SLC47A1: variants seen among roughly 807,000 people sequenced by gnomAD.
SLC47A1 encodes solute carrier family 47 member 1.
A neutral mutation model predicts 65.8 loss-of-function variants in SLC47A1; 58 were observed. The ratio of observed to expected loss-of-function variants is 0.88; its 90% CI spans 0.71 to 1.10. The LOEUF (loss-of-function observed/expected upper bound fraction) is 1.10, where lower values mean the gene tolerates loss of function less well. Ranked by LOEUF, SLC47A1 falls within the 50% of genes least tolerant of loss-of-function variation. The pLI is 0.00. For missense variants in SLC47A1, 706 were observed against 719.2 expected (o/e 0.98, Z 0.21); for synonymous variants, 285 against 295.0 (o/e 0.97, Z 0.35).
chr17:19,567,367 G>C, intron 14 of SLC47A1, 139 bp downstream of exon 14: 1 of 1,299,384 alleles, frequency 7.7e-7, no homozygotes, highest in South Asian at 1.4e-5. Context: ...TTGTCAGAGA[G>C]TGTAGGGGGC....
intron 15 of SLC47A1, 59 bp downstream of exon 15, chr17:19,571,631 C>T: frequency 2.3e-6 from 3 of 1,278,926 alleles, no homozygotes; most frequent in Non-Finnish European, 3.3e-6. Context: ...AGGATCTGAT[C>T]TGGCTCTCCC....
chr17:19,534,261 C>T, intron 1 of SLC47A1, 187 bp downstream of exon 1: 1 of 677,832 alleles, frequency 1.5e-6, no homozygotes, highest in Non-Finnish European at 2.2e-6. Context: ...GGCCGCTTTC[C>T]GCTCCGCACC....
chr17:19,555,763 G>A (rs754347177), intron 8 of SLC47A1, 33 bp from the exon 9 acceptor site: 1 of 1,613,342 alleles, frequency 6.2e-7, no homozygotes, highest in South Asian at 1.1e-5. Context: ...CCGATGGCCA[G>A]ATCTCCTGGA....
intron 2 of SLC47A1, among the ~76,000 whole-genome samples, chr17:19,545,481 T>A (rs1047016191): frequency 3.4e-5 from 5 of 146,936 alleles, no homozygotes; most frequent in Non-Finnish European, 7.5e-5. Context: ...CGTGAGCCAC[T>A]ATGCTCGGCC....
At chr17:19,574,172 C>T (rs2084421528) in intron 16 of SLC47A1, among the ~76,000 whole-genome samples, 1 of 152,084 alleles carries the variant, frequency 6.6e-6, no homozygotes, top group Non-Finnish European at 1.5e-5. Context: ...ATCCACCCTC[C>T]TCGGCCCCCC....
At chr17:19,558,235 T>C (rs1726296048) in intron 10 of SLC47A1, among the ~76,000 whole-genome samples, 1 of 152,232 alleles carries the variant, frequency 6.6e-6, no homozygotes, top group Admixed American at 6.5e-5. Flanking sequence ...TCCTTCGTCT[T>C]TCTTGACCTT....
At position 19,551,368 on chromosome 17, in the gene SLC47A1, C is replaced by T. The variant is rs1481518798; in HGVS notation, c.499-56C>T. ...CTCCTAGCTCCCTGCCGTGTGACCT[C>T]ACTTCTGTGTGGCAAGGCTGAAACA... On this transcript the variant is annotated intron_variant, in intron 5 of 16. Coordinates refer to ENST00000270570, the MANE Select transcript of SLC47A1 (RefSeq NM_018242.3). The T allele has an allele frequency of 2.0e-6, 3 of 1,477,400 alleles. No individual in the cohort carries two copies. The Admixed American group carries it at 5.0e-5, about 25-fold the overall frequency. The allele number at this position is 1,477,400 out of a possible 1,614,324, so 91.5% of individuals were successfully genotyped here.
At chr17:19,558,859 A>G (rs2084285174) in intron 10 of SLC47A1, among the ~76,000 whole-genome samples, 2 of 151,966 alleles carry the variant, frequency 1.3e-5, no homozygotes, top group Admixed American at 1.3e-4. Context: ...GTTTGTCCCT[A>G]CTTGTGAATT....
chr17:19,565,090 A>G (rs747027520), intron 12 of SLC47A1, among the ~76,000 whole-genome samples: 19 of 152,152 alleles, frequency 1.2e-4, no homozygotes, highest in Non-Finnish European at 1.9e-4. Context: ...TCTAGTTTAG[A>G]GTGACAAAAC....
intron 14 of SLC47A1, among the ~76,000 whole-genome samples, chr17:19,569,756 G>A (rs1439704794): frequency 3.9e-5 from 6 of 152,232 alleles, no homozygotes; most frequent in East Asian, 1.9e-4. Flanking sequence ...TTTAAATGAT[G>A]TATGCTAAAA....
intron 13 of SLC47A1, 88 bp from the exon 14 acceptor site, chr17:19,567,008 T>C: frequency 1.2e-6 from 2 of 1,601,614 alleles, no homozygotes; most frequent in Non-Finnish European, 1.7e-6. Context: ...ACCATGGATT[T>C]TAGCACAGAA....
chr17:19,549,547 A>G, intron 4 of SLC47A1, 88 bp from the exon 5 acceptor site: 1 of 1,341,158 alleles, frequency 7.5e-7, no homozygotes, highest in Non-Finnish European at 1.1e-6. Context: ...TGGAAAAGGC[A>G]GTTTTAGTTA....
At chr17:19,568,842 T>C (rs2084378753) in intron 14 of SLC47A1, among the ~76,000 whole-genome samples, 1 of 151,994 alleles carries the variant, frequency 6.6e-6, no homozygotes, top group South Asian at 2.1e-4. Context: ...ATCATTCTAC[T>C]CTCTACTTCT....
chr17:19,572,949 A>G (rs1160121347), intron 16 of SLC47A1, 88 bp downstream of exon 16: 4 of 1,081,256 alleles, frequency 3.7e-6, no homozygotes, highest in Non-Finnish European at 5.7e-6. Context: ...ATTTGCTGCT[A>G]TGAGCTCTCA....
At chr17:19,566,694 A>C in intron 12 of SLC47A1, 96 bp from the exon 13 acceptor site, 3 of 1,134,942 alleles carry the variant, frequency 2.6e-6, no homozygotes, top group South Asian at 2.7e-5. Context: ...CAAAGTGCTG[A>C]GATTACAGGC....
chr17:19,556,047 C>T lies in SLC47A1; in HGVS notation c.906C>T (p.Ala302=), dbSNP rs1916600247. Residue 302 remains alanine (A), a synonymous_variant, in exon 10 of 17, where the codon GCC becomes GCT. Coordinates refer to ENST00000270570, the MANE Select transcript of SLC47A1 (RefSeq NM_018242.3). ...CTCAGTCCATCGTGTATGAACTGGCCATCATTGTGTACATGGTAAGCAGGG... is the reference window on the plus strand; with the variant it reads ...CTCAGTCCATCGTGTATGAACTGGCTATCATTGTGTACATGGTAAGCAGGG... ...LGAQSIVYEL[A]IIVYMVPAGF... is the part of the protein sequence containing the mutation. The T allele has an allele frequency of 6.2e-7, 1 of 1,613,910 alleles. No individual in the cohort carries two copies. The highest frequency in any genetic ancestry group is 1.3e-5 in the African/African-American group (1 of 74,906).
chr17:19,556,136 A>C, intron 10 of SLC47A1, 74 bp downstream of exon 10: 1 of 1,506,484 alleles, frequency 6.6e-7, no homozygotes, highest in Non-Finnish European at 9.2e-7. Context: ...TCTATGGATG[A>C]GCACAGGCAT....
rs758652537 is a variant in SLC47A1, at chr17:19,560,181, A to G, written c.922-7A>G. 1 of 1,602,626 alleles carries G rather than the reference A, an allele frequency of 6.2e-7. No individual in the cohort carries two copies. The highest frequency in any genetic ancestry group is 8.5e-7 in the Non-Finnish European group (1 of 1,175,354). ...ACTCATTGTTGCAGGTTTCCTTTTT[A>G]TTTTAGGTCCCTGCAGGCTTCAGTG... On this transcript the variant is annotated splice_polypyrimidine_tract_variant and splice_region_variant and intron_variant, in intron 10 of 16. Transcript: ENST00000270570.
At chr17:19,550,947 A>G (rs914898650) in intron 5 of SLC47A1, among the ~76,000 whole-genome samples, 1 of 152,180 alleles carries the variant, frequency 6.6e-6, no homozygotes, top group East Asian at 1.9e-4. Context: ...AGGACCTCCA[A>G]ATAGTCACAC....
Sources: allele counts gnomAD v4.1 joint callset (sites outside exome capture counted in the v4.1 genomes callset), GRCh38; gene constraint gnomAD v4.1.1; transcripts MANE v1.5; gene names NCBI Gene and HGNC (gene_info 2026-07-23, HGNC 2026-07-21).